KCNN2: variants seen among roughly 807,000 people sequenced by gnomAD.
KCNN2 encodes potassium calcium-activated channel subfamily N member 2.
KCNN2 carries 24 observed loss-of-function variants against 55.5 expected under a neutral mutation model. That is an observed-to-expected ratio of 0.43 (90% CI 0.31 to 0.61). The LOEUF is 0.61. KCNN2 is among the 20% of genes least tolerant of loss of function. The probability of loss-of-function intolerance (pLI) is 0.08; values close to 1 mark genes in which losing one functional copy is unlikely to be tolerated. For missense variants in KCNN2, 754 were observed against 853.6 expected, an observed-to-expected ratio of 0.88 and a Z score of 1.45; for synonymous variants, 431 against 336.1, an observed-to-expected ratio of 1.28 and a Z score of -3.09.
intron 3 of KCNN2, among the ~76,000 whole-genome samples, chr5:114,407,330 A>G (rs1290252900): frequency 1.3e-5 from 2 of 152,116 alleles, no homozygotes; most frequent in African/African-American, 4.8e-5. Context: ...TATATGGAAG[A>G]TAACCTCAAA....
intron 2 of KCNN2, among the ~76,000 whole-genome samples, chr5:114,386,820 G>A (rs1444224874): frequency 6.6e-6 from 1 of 152,158 alleles, no homozygotes; most frequent in Non-Finnish European, 1.5e-5. Flanking sequence ...AGAGATTTCA[G>A]TCTCTATTTA....
intron 1 of KCNN2, among the ~76,000 whole-genome samples, chr5:114,125,395 T>G (rs1751909523): frequency 6.6e-6 from 1 of 152,214 alleles, no homozygotes; most frequent in Non-Finnish European, 1.5e-5. Flanking sequence ...TAACATATTT[T>G]TAAATTCATG....
rs112057492 is a variant in KCNN2, at chr5:114,487,036, T to C, written c.1891-14T>C. The C allele has an allele frequency of 5.0e-5, 80 of 1,612,566 alleles. 4 individuals carry two copies. The African/African-American group carries it at 6.8e-4, about 14-fold the overall frequency. ...TCTGGAATTTATCAACTGCTTTGTT[T>C]GTTCTCTTAACAGGTAAAAAATGCA... is the stretch of plus-strand genomic sequence containing the variant. On this transcript the variant is annotated splice_polypyrimidine_tract_variant and intron_variant, in intron 5 of 7. Transcript: ENST00000673685.
chr5:114,400,957 C>G (rs1758768008), intron 2 of KCNN2, among the ~76,000 whole-genome samples: 1 of 151,242 alleles, frequency 6.6e-6, no homozygotes, highest in Non-Finnish European at 1.5e-5. Context: ...TTCTTTACGT[C>G]TGCTTTCTTG....
intron 5 of KCNN2, among the ~76,000 whole-genome samples, chr5:114,475,084 G>C (rs1761908689): frequency 6.6e-6 from 1 of 152,034 alleles, no homozygotes; most frequent in African/African-American, 2.4e-5. Flanking sequence ...AAAAGACAAA[G>C]AGTTAGAAAA....
At chr5:114,242,034 G>T (rs1754654813) in intron 2 of KCNN2, among the ~76,000 whole-genome samples, 3 of 151,284 alleles carry the variant, frequency 2.0e-5, no homozygotes, top group Admixed American at 2.0e-4. Context: ...TGTTTCTTGA[G>T]CCCCAGTTCC....
At chr5:114,431,122 C>G (rs1183260747) in intron 3 of KCNN2, among the ~76,000 whole-genome samples, 2 of 152,016 alleles carry the variant, frequency 1.3e-5, no homozygotes, top group African/African-American at 2.4e-5. Context: ...AACTTACCCC[C>G]CCATCCCGGC....
At chr5:114,072,559 A>G (rs772801509) in intron 1 of KCNN2, among the ~76,000 whole-genome samples, 10 of 152,208 alleles carry the variant, frequency 6.6e-5, no homozygotes, top group Non-Finnish European at 1.5e-4. Flanking sequence ...TGAACTTCCC[A>G]GCTTCCAGAA....
chr5:114,165,063 A>G (rs1752880783), intron 1 of KCNN2, among the ~76,000 whole-genome samples: 2 of 152,230 alleles, frequency 1.3e-5, no homozygotes, highest in South Asian at 4.1e-4. Context: ...TAAAGGTCGG[A>G]TACAAATCCA....
intron 1 of KCNN2, among the ~76,000 whole-genome samples, chr5:114,092,323 A>G (rs552554506): frequency 2.0e-5 from 3 of 152,194 alleles, no homozygotes; most frequent in Non-Finnish European, 2.9e-5. Context: ...GGTCATGCTG[A>G]TACAAGAGGT....
At chr5:114,382,381 T>G (rs1177363964) in intron 2 of KCNN2, among the ~76,000 whole-genome samples, 1 of 152,236 alleles carries the variant, frequency 6.6e-6, no homozygotes, top group South Asian at 2.1e-4. Context: ...AATTTTTGTC[T>G]GTAGTGGATA....
At chr5:114,313,539 G>A (rs935346193) in intron 2 of KCNN2, among the ~76,000 whole-genome samples, 13 of 152,128 alleles carry the variant, frequency 8.5e-5, no homozygotes, top group African/African-American at 3.1e-4. Context: ...AGATGAAGAT[G>A]AAGATGAAAT....
chr5:114,340,547 T>C (rs1413788378), intron 2 of KCNN2, among the ~76,000 whole-genome samples: 2 of 152,116 alleles, frequency 1.3e-5, no homozygotes, highest in Non-Finnish European at 2.9e-5. Flanking sequence ...GAAATAAAAA[T>C]GGTATATATT....
At chr5:114,306,425 G>C (rs1362625836) in intron 2 of KCNN2, among the ~76,000 whole-genome samples, 1 of 152,150 alleles carries the variant, frequency 6.6e-6, no homozygotes, top group East Asian at 1.9e-4. Flanking sequence ...TGCAATTCTG[G>C]AACATGACAT....
Position 114,362,774 on chromosome 5 carries a change from C to G in KCNN2, c.635C>G (p.Ala212Gly). The G allele has an allele frequency of 1.9e-6, 3 of 1,584,278 alleles. No homozygotes were observed. Among genetic ancestry groups the G allele is most frequent in the Non-Finnish European group, 1.7e-6 (2 of 1,171,244 alleles). Residue 212 changes from alanine (A) to glycine (G), a missense_variant, in exon 1 of 8, where the codon GCC (alanine) becomes GGC (glycine). Ala to Gly is a moderately conservative substitution (Grantham distance 60). Transcript: ENST00000673685. Reference protein sequence around the residue: ...RRESNPFTEIAMSSCRYNGGV... With the variant: ...RRESNPFTEIGMSSCRYNGGV... Reference sequence around the variant, plus strand: ...GAGAGCAACCCCTTCACCGAAATAGCCATGAGCAGCTGCAGGTACAACGGG... The same window carrying G: ...GAGAGCAACCCCTTCACCGAAATAGGCATGAGCAGCTGCAGGTACAACGGG...
intron 1 of KCNN2, among the ~76,000 whole-genome samples, chr5:114,127,904 G>A (rs1199740916): frequency 1.3e-5 from 2 of 152,284 alleles, no homozygotes; most frequent in East Asian, 1.9e-4. Context: ...AACACAGCAA[G>A]AGTCACCTTT....
intron 1 of KCNN2, among the ~76,000 whole-genome samples, chr5:114,182,868 T>G (rs1334647229): frequency 6.6e-6 from 1 of 152,130 alleles, no homozygotes; most frequent in African/African-American, 2.4e-5. Flanking sequence ...TTTTTTCTTA[T>G]TTTATTGCAA....
chr5:114,207,280 A>C (rs1421935838), intron 1 of KCNN2, among the ~76,000 whole-genome samples: 1 of 152,196 alleles, frequency 6.6e-6, no homozygotes, highest in Non-Finnish European at 1.5e-5. Flanking sequence ...TAGAGAAAAT[A>C]GGTTCCCAGT....
chr5:114,361,175 C>G (rs1180149986), upstream of KCNN2: 2 of 152,222 alleles, frequency 1.3e-5, no homozygotes, highest in Admixed American at 1.3e-4. Flanking sequence ...GCGGGGAAAG[C>G]CCTCCGCCCC....
Sources: gnomAD v4.1 joint callset for allele counts (sites outside exome capture counted in the v4.1 genomes callset) on GRCh38, gnomAD v4.1.1 for gene constraint, MANE v1.5 for transcripts, NCBI Gene and HGNC (gene_info 2026-07-23, HGNC 2026-07-21) for gene names.